Variants in PCDHA2 observed in about 807,000 individuals in gnomAD.
PCDHA2 encodes protocadherin alpha 2.
Under a neutral mutation model 66.0 loss-of-function variants are expected in PCDHA2, and 58 were observed. The observed-to-expected ratio is 0.88, with a 90% CI of 0.71 to 1.09. PCDHA2 has a LOEUF of 1.09. PCDHA2 is among the 50% of genes least tolerant of loss of function. The pLI, the probability that PCDHA2 is intolerant of heterozygous loss-of-function variation, is 0.00. For synonymous variants in PCDHA2, 634 were observed against 554.0 expected (o/e 1.14, Z -2.03); for missense variants, 1,267 against 1,242.3 (o/e 1.02, Z -0.30).
At chr5:140,856,902 C>A in intron 1 of PCDHA2, 1 of 1,596,268 alleles carries the variant, frequency 6.3e-7, no homozygotes, top group Non-Finnish European at 8.6e-7. Flanking sequence ...TCTTTGGTCC[C>A]ACCCACGATA....
intron 1 of PCDHA2, chr5:140,807,583 G>T (rs1554124096): frequency 3.1e-6 from 5 of 1,614,178 alleles, no homozygotes. Context: ...ACCCGCCGGT[G>T]TTCCCAGCAA....
chr5:140,863,521 G>T, intron 1 of PCDHA2: 1 of 397,734 alleles, frequency 2.5e-6, no homozygotes, highest in Non-Finnish European at 4.9e-6. Context: ...GTTCTCCCAT[G>T]GTTCAGATTT....
At chr5:140,870,425 C>T (rs531014522) in intron 1 of PCDHA2, 19 of 1,614,072 alleles carry the variant, frequency 1.2e-5, no homozygotes, top group Non-Finnish European at 1.5e-5. Context: ...GCCAGGGTAT[C>T]CGTGGAGGTG....
Position 140,795,467 on chromosome 5 carries a change from T to G in PCDHA2, c.503T>G (p.Leu168Arg). The stretch of plus-strand genomic sequence containing the variant: ...GCAGATATAGGAGTAAATGCTCTTC[T>G]CTCCTACAAGCTCAGCTCCAGTGAG... Reference protein sequence around the residue: ...SDADIGVNALLSYKLSSSEFF... With the variant: ...SDADIGVNALRSYKLSSSEFF... The change falls in exon 1 of 4, where the codon CTC (leucine) becomes CGC (arginine). Residue 168 changes from leucine (L) to arginine (R), a missense_variant. Physicochemically the swap from Leu to Arg is moderately radical, Grantham distance 102. Coordinates refer to ENST00000526136, the MANE Select transcript of PCDHA2 (RefSeq NM_018905.3). The G allele has an allele frequency of 1.2e-6, 2 of 1,614,134 alleles. No individual in the cohort carries two copies. The highest frequency in any genetic ancestry group is 1.7e-6 in the Non-Finnish European group (2 of 1,180,002).
rs2150444436 is a variant in PCDHA2, at chr5:140,849,672, G to T, written c.2388+52320G>T. On this transcript the variant is annotated intron_variant, in intron 1 of 3. Coordinates refer to ENST00000526136, the MANE Select transcript of PCDHA2 (RefSeq NM_018905.3). The stretch of plus-strand genomic sequence containing the variant: ...GGTTACCTGCTCCCTGACGCCCCAC[G>T]TCCCCTTCAAGCTGGTGTCCACCTA... 151 of 1,598,650 alleles carry T rather than the reference G, an allele frequency of 9.4e-5. 5 individuals carry two copies. The South Asian group carries it at 1.5e-3, about 16-fold the overall frequency.
chr5:140,870,089 T>C (rs782364525), intron 1 of PCDHA2: 4 of 1,613,796 alleles, frequency 2.5e-6, no homozygotes, highest in Non-Finnish European at 3.4e-6. Flanking sequence ...ACTCCCCCAA[T>C]GGCAGGTCAC....
chr5:140,929,071 T>C, intron 1 of PCDHA2: 1 of 1,614,122 alleles, frequency 6.2e-7, no homozygotes, highest in South Asian at 1.1e-5. Flanking sequence ...GGATCTGAGG[T>C]ATGGAAGTAA....
intron 1 of PCDHA2, chr5:140,835,919 G>T (rs2150248357): frequency 2.5e-6 from 4 of 1,612,404 alleles, no homozygotes; most frequent in Admixed American, 3.3e-5. Context: ...CAGTGCACGC[G>T]GAGAGCGGCA....
chr5:140,946,844 G>A (rs189496185), intron 1 of PCDHA2, among the ~76,000 whole-genome samples: 5 of 151,386 alleles, frequency 3.3e-5, no homozygotes, highest in Non-Finnish European at 5.9e-5. Context: ...CAGTAGTAAG[G>A]AGGAGAGATT....
At chr5:140,973,665 T>C (rs1309458037) in intron 1 of PCDHA2, among the ~76,000 whole-genome samples, 2 of 152,248 alleles carry the variant, frequency 1.3e-5, no homozygotes, top group Non-Finnish European at 2.9e-5. Context: ...CTATTTATTG[T>C]AGCTTGAATG....
chr5:141,011,085 T>C lies in PCDHA2; in HGVS notation c.*1148T>C, dbSNP rs2098419298. The C allele has an allele frequency of 6.5e-6, 1 of 153,776 alleles. No homozygotes were observed. Among genetic ancestry groups the C allele is most frequent in the Non-Finnish European group, 1.5e-5 (1 of 68,046 alleles). The allele number at this position is 153,776 out of a possible 1,614,324, so 9.5% of individuals were successfully genotyped here. A position where few individuals can be genotyped will look rare whatever the true frequency, so the allele number is the denominator to read the frequency against. ...ATGTATTACTAAATAAAATGATCTC[T>C]CTTTCTCTCTCTCTCTCTCTTTTCT... On this transcript the variant is annotated 3_prime_UTR_variant, in exon 4 of 4. Transcript: ENST00000526136.
At chr5:140,920,932 G>A (rs2079937589) in intron 1 of PCDHA2, among the ~76,000 whole-genome samples, 1 of 151,286 alleles carries the variant, frequency 6.6e-6, no homozygotes, top group Admixed American at 6.6e-5. Flanking sequence ...AGGTGATCTA[G>A]CCCTTTCATT....
intron 1 of PCDHA2, among the ~76,000 whole-genome samples, chr5:140,944,328 C>T (rs1478623361): frequency 1.3e-5 from 2 of 152,124 alleles, no homozygotes; most frequent in African/African-American, 4.8e-5. Context: ...GCTGGGATTA[C>T]AAGCACGTGC....
intron 1 of PCDHA2, among the ~76,000 whole-genome samples, chr5:140,912,519 T>G (rs770184717): frequency 6.6e-6 from 1 of 152,164 alleles, no homozygotes. Context: ...TCTTTAGGGT[T>G]TTCAGAGTAC....
intron 3 of PCDHA2, among the ~76,000 whole-genome samples, chr5:140,998,586 CAG>C (rs1340236276): frequency 1.4e-5 from 2 of 147,292 alleles, no homozygotes; most frequent in African/African-American, 5.1e-5. Context: ...TTTTTTGAGA[CAG>C]AGTTTTGCTC....
chr5:140,823,605 G>A (rs971039767), intron 1 of PCDHA2: 1 of 1,614,052 alleles, frequency 6.2e-7, no homozygotes, highest in Admixed American at 1.7e-5. Context: ...CGTATGAGCT[G>A]CAGCCAGCGC....
At chr5:140,883,308 C>T (rs782669562) in intron 1 of PCDHA2, 2 of 1,614,102 alleles carry the variant, frequency 1.2e-6, no homozygotes, top group South Asian at 1.1e-5. Flanking sequence ...AATGATAACG[C>T]CCCAGAGGTT....
At chr5:140,858,173 C>G (rs782491809) in intron 1 of PCDHA2, 1 of 1,597,720 alleles carries the variant, frequency 6.3e-7, no homozygotes, top group Admixed American at 1.7e-5. Context: ...GTCCAGCTTG[C>G]TGGTGCTCAC....
At chr5:140,929,690 C>A in intron 1 of PCDHA2, 1 of 278,482 alleles carries the variant, frequency 3.6e-6, no homozygotes, top group Non-Finnish European at 7.0e-6. Flanking sequence ...TAAGAGTCTG[C>A]TTTATATGAA....
Sources: gnomAD v4.1 joint callset for allele counts (sites outside exome capture counted in the v4.1 genomes callset) on GRCh38, gnomAD v4.1.1 for gene constraint, MANE v1.5 for transcripts, NCBI Gene and HGNC (gene_info 2026-07-23, HGNC 2026-07-21) for gene names.